PIK3R1: variants seen among roughly 807,000 people sequenced by gnomAD.
PIK3R1 encodes phosphoinositide-3-kinase regulatory subunit 1, also known as phosphatidylinositol 3-kinase regulatory subunit alpha.
Under a neutral mutation model 98.0 loss-of-function variants are expected in PIK3R1, and 29 were observed. The observed-to-expected ratio is 0.30, with a 90% CI of 0.22 to 0.40. The LOEUF (loss-of-function observed/expected upper bound fraction) is 0.40. PIK3R1 is among the 10% of genes least tolerant of loss of function. The pLI, the probability that PIK3R1 is intolerant of heterozygous loss-of-function variation, is 1.00. For missense variants in PIK3R1, 596 were observed against 872.7 expected, an observed-to-expected ratio of 0.68 and a Z score of 3.99; for synonymous variants, 282 against 311.8, an observed-to-expected ratio of 0.90 and a Z score of 1.01.
chr5:68,246,352 G>A (rs1264347999), intron 2 of PIK3R1, among the ~76,000 whole-genome samples: 1 of 142,948 alleles, frequency 7.0e-6, no homozygotes, highest in Non-Finnish European at 1.5e-5. Flanking sequence ...TTTACTCGTC[G>A]CCCAAGCCGC....
At chr5:68,216,147 C>T (rs1483783756) in intron 1 of PIK3R1, among the ~76,000 whole-genome samples, 198 bp downstream of exon 1, 1 of 152,136 alleles carries the variant, frequency 6.6e-6, no homozygotes, top group African/African-American at 2.4e-5. Context: ...TACCCCCGCG[C>T]GCGGCCGGCG....
In PIK3R1 at chr5:68,297,665, GCTCCT is replaced by G; in HGVS notation, c.*69_*73del. The G allele has an allele frequency of 7.5e-7, 1 of 1,341,748 alleles. No individual in the cohort carries two copies. Among genetic ancestry groups the G allele is most frequent in the South Asian group, 1.3e-5 (1 of 79,402 alleles). 83.1% of individuals were successfully genotyped at this position (1,341,748 alleles called of 1,614,324 possible). ...CCCTGAGGCCTCTGGAAAGCAAAGG[GCTCCT>G]CTCCAGTCTGATCTGTGAATTGAGC... On this transcript the variant is annotated 3_prime_UTR_variant, in exon 16 of 16. Transcript: ENST00000521381.
rs1444581630 is a variant in PIK3R1, at chr5:68,226,862, A to C, written c.187A>C (p.Thr63Pro). The change falls in exon 2 of 16, where the codon ACA becomes CCA. Residue 63 changes from threonine (T) to proline (P), a missense_variant. Thr to Pro is a conservative substitution (Grantham distance 38, BLOSUM62 -1). Transcript: ENST00000521381. ...CTGGTTAAATGGCTATAATGAAACC[A>C]CAGGGGAAAGGGGGGACTTTCCGGG... The part of the protein sequence containing the change: ...IGWLNGYNET[T>P]GERGDFPGTY... The C allele has an allele frequency of 6.2e-7, 1 of 1,614,156 alleles. No individual in the cohort carries two copies. Among genetic ancestry groups the C allele is most frequent in the Admixed American group, 1.7e-5 (1 of 60,020 alleles).
Position 68,279,698 on chromosome 5 carries a change from C to G in PIK3R1, c.599C>G (p.Ala200Gly). ...GACTTACCAAATCCTGTCATTCCAG[C>G]AGCCGTTTACAGTGAAATGATTTCT... The part of the protein sequence containing the change: ...LLDLPNPVIP[A>G]AVYSEMISLA... Residue 200 changes from alanine to glycine, a missense_variant, in exon 5 of 16, where the codon GCA becomes GGA. Coordinates refer to ENST00000521381, the MANE Select transcript of PIK3R1 (RefSeq NM_181523.3). The G allele has an allele frequency of 6.2e-7, 1 of 1,614,142 alleles. No individual in the cohort carries two copies.
intron 1 of PIK3R1, among the ~76,000 whole-genome samples, chr5:68,218,047 A>G (rs906438509): frequency 3.9e-5 from 6 of 152,196 alleles, no homozygotes; most frequent in African/African-American, 1.4e-4. Flanking sequence ...ATGATGCTGT[A>G]TAGTCAGTGT....
rs200255602 is a variant in PIK3R1, at chr5:68,301,527, C to CA, written c.*3935dup. The CA allele has an allele frequency of 3.2e-4, 46 of 141,870 alleles. No individual in the cohort carries two copies. Among genetic ancestry groups the CA allele is most frequent in the East Asian group, 9.0e-4 (5 of 5,528 alleles). 8.8% of individuals were successfully genotyped at this position (141,870 alleles called of 1,614,324 possible). ...ATATATGTATTTAAAAAAATCAAAA[C>CA]AAAAAAAAACTCATTTATACCTGTG... On this transcript the variant is annotated 3_prime_UTR_variant, in exon 16 of 16. Coordinates refer to ENST00000521381, the MANE Select transcript of PIK3R1 (RefSeq NM_181523.3).
Position 68,301,386 on chromosome 5 carries a change from GTGTGTGTATA to G in PIK3R1, c.*3787_*3796del, listed in dbSNP as rs542512040. 1,293 of 34,566 alleles carry G rather than the reference GTGTGTGTATA, an allele frequency of 0.037. 30 individuals are homozygous for G. The highest frequency in any genetic ancestry group is 0.042 in the South Asian group (40 of 962). The allele number at this position is 34,566 out of a possible 1,614,324, so 2.1% of individuals were successfully genotyped here. A position where few individuals can be genotyped will look rare whatever the true frequency, so the allele number is the denominator to read the frequency against. The stretch of plus-strand genomic sequence containing the variant: ...TATATATGTGTGTGTGTGTGTGTGT[GTGTGTGTATA>G]TATATATATATATATATATATATAT... On this transcript the variant is annotated 3_prime_UTR_variant, in exon 16 of 16. Coordinates refer to ENST00000521381, the MANE Select transcript of PIK3R1 (RefSeq NM_181523.3).
chr5:68,219,062 T>C (rs1744001433), intron 1 of PIK3R1, among the ~76,000 whole-genome samples: 1 of 152,216 alleles, frequency 6.6e-6, no homozygotes, highest in Non-Finnish European at 1.5e-5. Flanking sequence ...GACCATTTCA[T>C]GTACATTAAG....
chr5:68,219,434 G>A (rs1168708705), intron 1 of PIK3R1, among the ~76,000 whole-genome samples: 1 of 152,222 alleles, frequency 6.6e-6, no homozygotes. Context: ...TTCCTTGCCT[G>A]TTGTCTTCCT....
At chr5:68,286,114 T>C (rs1389950431) in intron 7 of PIK3R1, among the ~76,000 whole-genome samples, 3 of 152,174 alleles carry the variant, frequency 2.0e-5, no homozygotes, top group Admixed American at 6.5e-5. Flanking sequence ...TTTTGAACAG[T>C]TTAAGGATCA....
intron 14 of PIK3R1, among the ~76,000 whole-genome samples, 189 bp from the exon 15 acceptor site, chr5:68,295,982 G>A (rs550534663): frequency 5.9e-4 from 90 of 152,294 alleles, no homozygotes; most frequent in Non-Finnish European, 1.2e-3. Flanking sequence ...TGTCCTGGGA[G>A]GTTGCACTGG....
intron 1 of PIK3R1, among the ~76,000 whole-genome samples, chr5:68,220,311 G>C (rs1744049994): frequency 6.6e-6 from 1 of 152,132 alleles, no homozygotes; most frequent in South Asian, 2.1e-4. Flanking sequence ...AAAGAAGAGA[G>C]ACTTGAAGTC....
chr5:68,259,783 A>G (rs1745664880), intron 2 of PIK3R1, among the ~76,000 whole-genome samples: 1 of 152,210 alleles, frequency 6.6e-6, no homozygotes, highest in Non-Finnish European at 1.5e-5. Context: ...AAAGGGGCAC[A>G]GTTTGTAAGG....
intron 2 of PIK3R1, among the ~76,000 whole-genome samples, chr5:68,272,265 A>G (rs72757685): frequency 8.2e-5 from 12 of 146,246 alleles, no homozygotes; most frequent in East Asian, 3.9e-4. Context: ...AAAAAAAAAA[A>G]AAAAAGAAAA....
Position 68,297,550 on chromosome 5 carries a change from C to T in PIK3R1, c.2124C>T (p.Asp708=), listed in dbSNP as rs1405273085. ...YQHTSLVQHN[D]SLNVTLAYPV... ...ACACCTCCCTTGTGCAGCACAACGA[C>T]TCCCTCAATGTCACACTAGCCTACC... The change falls in exon 16 of 16, where the codon GAC becomes GAT. Residue 708 remains aspartate, a synonymous_variant. Transcript: ENST00000521381. 2 of 1,614,090 alleles carry T rather than the reference C, an allele frequency of 1.2e-6. No homozygotes were observed. Among genetic ancestry groups the T allele is most frequent in the Non-Finnish European group, 1.7e-6 (2 of 1,180,046 alleles).
intron 2 of PIK3R1, among the ~76,000 whole-genome samples, chr5:68,232,952 CTATT>C (rs960521894): frequency 6.6e-6 from 1 of 152,130 alleles, no homozygotes; most frequent in Non-Finnish European, 1.5e-5. Context: ...ATGGAACTCT[CTATT>C]TAACTTGTCA....
intron 2 of PIK3R1, among the ~76,000 whole-genome samples, chr5:68,250,895 G>A (rs564276519): frequency 7.2e-5 from 11 of 152,298 alleles, no homozygotes; most frequent in Non-Finnish European, 1.2e-4. Flanking sequence ...TTCAGAACCT[G>A]CTTACCAGCA....
intron 2 of PIK3R1, among the ~76,000 whole-genome samples, chr5:68,272,376 A>T (rs11746842): frequency 0.33 from 50,359 of 152,054 alleles, 9,936 homozygotes; most frequent in African/African-American, 0.56. Flanking sequence ...CTCAGATTAT[A>T]TAAATTATTC....
At chr5:68,287,925 C>T (rs1161507748) in intron 7 of PIK3R1, among the ~76,000 whole-genome samples, 1 of 152,134 alleles carries the variant, frequency 6.6e-6, no homozygotes, top group East Asian at 1.9e-4. Context: ...TAATCTCCTC[C>T]CTGCCCGAGT....
Sources: allele counts gnomAD v4.1 joint callset (sites outside exome capture counted in the v4.1 genomes callset), GRCh38; gene constraint gnomAD v4.1.1; transcripts MANE v1.5; gene names NCBI Gene and HGNC (gene_info 2026-07-23, HGNC 2026-07-21).